The following PARD3 variants were observed in gnomAD, a reference collection of about 807,000 sequenced individuals.
PARD3 encodes par-3 family cell polarity regulator.
In PARD3, 75 loss-of-function variants were observed where a neutral mutation model predicts 155.4. The observed-to-expected ratio is 0.48, with a 90% CI of 0.40 to 0.58. The LOEUF (loss-of-function observed/expected upper bound fraction) is 0.58, where lower values mean the gene tolerates loss of function less well. PARD3 is among the 20% of genes least tolerant of loss of function. The pLI is 0.00. For missense variants in PARD3, 1,642 were observed against 1,721.7 expected, an observed-to-expected ratio of 0.95 and a Z score of 0.82; for synonymous variants, 576 against 610.5, an observed-to-expected ratio of 0.94 and a Z score of 0.83.
At chr10:34,469,986 C>A in intron 4 of PARD3, 99 bp downstream of exon 4, 1 of 912,046 alleles carries the variant, frequency 1.1e-6, no homozygotes, top group Non-Finnish European at 1.6e-6. Flanking sequence ...CATGAAGATG[C>A]CCTGGAATCC....
intron 22 of PARD3, among the ~76,000 whole-genome samples, chr10:34,167,072 C>T (rs181585439): frequency 1.1e-3 from 167 of 152,168 alleles, no homozygotes; most frequent in Middle Eastern, 3.4e-3. Flanking sequence ...CCTGCTGCAG[C>T]GTCGAGCTTG....
At chr10:34,594,847 AAAAT>A (rs1263697084) in intron 2 of PARD3, among the ~76,000 whole-genome samples, 2 of 152,270 alleles carry the variant, frequency 1.3e-5, no homozygotes, top group Non-Finnish European at 2.9e-5. Context: ...AAATAAAATA[AAAAT>A]AAATAAAGTC....
At chr10:34,579,554 C>G (rs374144293) in intron 2 of PARD3, among the ~76,000 whole-genome samples, 2,298 of 122,576 alleles carry the variant, frequency 0.019, 56 homozygotes, top group African/African-American at 0.049. Context: ...ACCATTTTCT[C>G]TGTGTGTGTG....
chr10:34,413,140 T>TACACACACACACACACAC lies in PARD3; in HGVS notation c.715-11224_715-11223insGTGTGTGTGTGTGTGTGT, dbSNP rs774389489. On this transcript the variant is annotated intron_variant, in intron 5 of 24. Coordinates refer to ENST00000374788, the MANE Select transcript of PARD3 (RefSeq NM_001184785.2). ...AAAACATTAGGCAGTACTTCAGATA[T>TACACACACACACACACAC]ATATACACACACACACACACACACA... is the stretch of plus-strand genomic sequence containing the variant. 1.2e-3 allele frequency among the ~76,000 whole-genome samples: 138 copies of TACACACACACACACACAC among 113,842 alleles called. 1 individual carries two copies. Among genetic ancestry groups the TACACACACACACACACAC allele is most frequent in the African/African-American group, 4.2e-3 (134 of 31,542 alleles). The allele number at this position is 113,842 out of a possible 152,430, so 74.7% of individuals were successfully genotyped here. A position where few individuals can be genotyped will look rare whatever the true frequency, so the allele number is the denominator to read the frequency against.
At chr10:34,176,178 T>C (rs150853300) in intron 22 of PARD3, among the ~76,000 whole-genome samples, 307 of 152,340 alleles carry the variant, frequency 2.0e-3, no homozygotes, top group South Asian at 0.018. Context: ...TTTCTATGCG[T>C]TTGGGCTCCC....
At chr10:34,516,953 G>A in intron 3 of PARD3, 26 bp downstream of exon 3, 1 of 1,599,604 alleles carries the variant, frequency 6.3e-7, no homozygotes, top group South Asian at 1.1e-5. Context: ...AGATGAAATG[G>A]AAGAGAAGAA....
Position 34,623,386 on chromosome 10 carries a change from G to A in PARD3, c.222+72932C>T, listed in dbSNP as rs117460190. 8.6e-3 allele frequency among the ~76,000 whole-genome samples: 1,306 copies of A among 152,212 alleles called. 10 individuals are homozygous for A. The highest frequency in any genetic ancestry group is 0.024 in the Middle Eastern group (7 of 294). On this transcript the variant is annotated intron_variant, in intron 2 of 24. Coordinates refer to ENST00000374788, the MANE Select transcript of PARD3 (RefSeq NM_001184785.2). ...CTACACCAAAATGGGAATTTTCTAC[G>A]AATCTTTGAATAGGCCCTCAAACTC...
chr10:34,549,223 A>C (rs1360882311), intron 2 of PARD3, among the ~76,000 whole-genome samples: 1 of 152,244 alleles, frequency 6.6e-6, no homozygotes, highest in Non-Finnish European at 1.5e-5. Context: ...TATGTGTTTC[A>C]ACAGAACTTG....
At chr10:34,431,785 C>CATGCCTCTA (rs2075921775) in intron 5 of PARD3, among the ~76,000 whole-genome samples, 1 of 134,136 alleles carries the variant, frequency 7.5e-6, no homozygotes, top group South Asian at 2.3e-4. Flanking sequence ...TATGGTGGCT[C>CATGCCTCTA]ATGCCTGTAA....
chr10:34,230,065 G>A (rs2254809), intron 22 of PARD3, among the ~76,000 whole-genome samples: 2,152 of 152,238 alleles, frequency 0.014, 49 homozygotes, highest in African/African-American at 0.043. Context: ...ATACATTAGT[G>A]TCAAATATGA....
chr10:34,561,527 A>T (rs556041782), intron 2 of PARD3, among the ~76,000 whole-genome samples: 51 of 150,536 alleles, frequency 3.4e-4, no homozygotes, highest in Admixed American at 4.6e-4. Context: ...TAATTTATTT[A>T]TTTTTTTTTG....
chr10:34,501,345 G>A (rs778262145), intron 3 of PARD3, among the ~76,000 whole-genome samples: 3 of 152,012 alleles, frequency 2.0e-5, no homozygotes, highest in Non-Finnish European at 4.4e-5. Context: ...TCCTGCTTTC[G>A]TCATGTGACG....
chr10:34,554,631 T>C (rs531520285), intron 2 of PARD3, among the ~76,000 whole-genome samples: 7 of 152,228 alleles, frequency 4.6e-5, no homozygotes, highest in South Asian at 4.1e-4. Flanking sequence ...AAATAAGTAA[T>C]AGAAATACAA....
intron 5 of PARD3, among the ~76,000 whole-genome samples, chr10:34,443,260 A>G (rs1589595123): frequency 6.6e-6 from 1 of 152,254 alleles, no homozygotes; most frequent in East Asian, 1.9e-4. Context: ...ACTAGTTTTT[A>G]AATTTACTTT....
At chr10:34,155,054 AG>A (rs1948943280) in intron 22 of PARD3, among the ~76,000 whole-genome samples, 1 of 152,192 alleles carries the variant, frequency 6.6e-6, no homozygotes, top group Non-Finnish European at 1.5e-5. Flanking sequence ...AAATAAGAGG[AG>A]GGAGTGATCA....
intron 10 of PARD3, among the ~76,000 whole-genome samples, chr10:34,377,493 G>A (rs1264414281): frequency 3.9e-5 from 6 of 152,178 alleles, no homozygotes; most frequent in Non-Finnish European, 7.3e-5. Context: ...GGGGGGCTGA[G>A]GCAGGAGAAT....
intron 7 of PARD3, among the ~76,000 whole-genome samples, chr10:34,387,172 T>C (rs1842435942): frequency 6.6e-6 from 1 of 152,234 alleles, no homozygotes; most frequent in Non-Finnish European, 1.5e-5. Flanking sequence ...TTTCCCAATA[T>C]GACTACAATA....
At chr10:34,184,242 G>C (rs752353475) in intron 22 of PARD3, among the ~76,000 whole-genome samples, 1 of 152,200 alleles carries the variant, frequency 6.6e-6, no homozygotes, top group African/African-American at 2.4e-5. Context: ...TGAATTGTTA[G>C]TTGATAGCCT....
intron 1 of PARD3, among the ~76,000 whole-genome samples, chr10:34,747,031 G>A (rs989001625): frequency 6.6e-6 from 1 of 152,138 alleles, no homozygotes; most frequent in South Asian, 2.1e-4. Flanking sequence ...CTCATATGTG[G>A]TTTTGTGGAA....
Sources: allele counts gnomAD v4.1 joint callset (sites outside exome capture counted in the v4.1 genomes callset), GRCh38; gene constraint gnomAD v4.1.1; transcripts MANE v1.5; gene names NCBI Gene and HGNC (gene_info 2026-07-23, HGNC 2026-07-21).